The following FBXL17 variants were observed in gnomAD, a reference collection of about 807,000 sequenced individuals.
FBXL17 encodes the protein F-box/LRR-repeat protein 17.
A neutral mutation model predicts 66.2 loss-of-function variants in FBXL17; 22 were observed. That is an observed-to-expected ratio of 0.33 (90% CI 0.24 to 0.47). The LOEUF (loss-of-function observed/expected upper bound fraction) is 0.47, where lower values mean the gene tolerates loss of function less well. FBXL17 is among the 20% of genes least tolerant of loss of function. The pLI is 1.00. For missense variants in FBXL17, 878 were observed against 948.2 expected, an observed-to-expected ratio of 0.93 and a Z score of 0.97; for synonymous variants, 474 against 400.5, an observed-to-expected ratio of 1.18 and a Z score of -2.19.
rs180760713 is a variant in FBXL17, at chr5:108,116,505, G to A, written c.1745+69612C>T. 4.6e-3 allele frequency among the ~76,000 whole-genome samples: 689 copies of A among 151,110 alleles called. 10 individuals are homozygous for A. The highest frequency in any genetic ancestry group is 2.5e-3 in the South Asian group (12 of 4,742). On this transcript the variant is annotated intron_variant, in intron 6 of 8. Transcript: ENST00000542267. ...ATACAAAAAAAAAAAAAAATTAGCT[G>A]GGCGTGGTGGCATGTGCCTGTAGTC...
intron 1 of FBXL17, among the ~76,000 whole-genome samples, chr5:108,378,390 G>A (rs77763003): frequency 0.028 from 4,331 of 152,156 alleles, 203 homozygotes; most frequent in African/African-American, 0.098. Flanking sequence ...TAGCATAAAA[G>A]ATGAAGCAAA....
intron 7 of FBXL17, among the ~76,000 whole-genome samples, chr5:107,993,056 T>C (rs990131493): frequency 2.0e-4 from 30 of 151,952 alleles, no homozygotes; most frequent in African/African-American, 6.8e-4. Context: ...CCACCACGCC[T>C]GGCTAATTTT....
At position 108,364,858 on chromosome 5, in the gene FBXL17, T is replaced by C. The variant is rs1580896854; in HGVS notation, c.1254A>G (p.Thr418=). The C allele has an allele frequency of 6.2e-7, 1 of 1,613,222 alleles. No homozygotes were observed. The change falls in exon 3 of 9, where the codon ACA becomes ACG. Residue 418 remains threonine, a synonymous_variant. Coordinates refer to ENST00000542267, the MANE Select transcript of FBXL17 (RefSeq NM_001163315.3). The part of the protein sequence containing the change: ...AFKCPGLLRY[T]AYRCKQLSDT... Reference sequence around the variant, plus strand: ...CAGAAAGCTGTTTACACCTGTAGGCTGTATACCTAAGAAGTCCAGGACATT... The same window carrying C: ...CAGAAAGCTGTTTACACCTGTAGGCCGTATACCTAAGAAGTCCAGGACATT...
chr5:108,279,214 T>A (rs1044883462), intron 4 of FBXL17, among the ~76,000 whole-genome samples: 1 of 152,028 alleles, frequency 6.6e-6, no homozygotes, highest in South Asian at 2.1e-4. Context: ...ACAACCAACA[T>A]TCAAGAAAGA....
chr5:108,226,447 T>C (rs1427616157), intron 4 of FBXL17, among the ~76,000 whole-genome samples: 3 of 152,240 alleles, frequency 2.0e-5, no homozygotes, highest in Non-Finnish European at 2.9e-5. Flanking sequence ...TTAAATGTCA[T>C]TGTACTAGTG....
intron 6 of FBXL17, among the ~76,000 whole-genome samples, chr5:108,076,112 T>G (rs749354340): frequency 3.9e-5 from 6 of 152,252 alleles, no homozygotes; most frequent in Non-Finnish European, 7.3e-5. Flanking sequence ...GTTTATACTA[T>G]CTCTGCTAGA....
In FBXL17 at chr5:108,333,009, G is replaced by A. The variant is rs1055446123; in HGVS notation, c.1506+15390C>T. ...TGAAATGAATCTGTATTAAGATCTTGTAATTTTCAAAAAGCTTCAAAAATA... is the reference window on the plus strand; with the variant it reads ...TGAAATGAATCTGTATTAAGATCTTATAATTTTCAAAAAGCTTCAAAAATA... On this transcript the variant is annotated intron_variant, in intron 4 of 8. Transcript: ENST00000542267. Among the ~76,000 whole-genome samples the A allele has an allele frequency of 1.9e-4, 25 of 133,734 alleles. 1 individual carries two copies. The East Asian group carries it at 6.0e-3, about 32-fold the overall frequency. The allele number at this position is 133,734 out of a possible 152,430, so 87.7% of individuals were successfully genotyped here.
chr5:108,346,559 G>C (rs1202686479), intron 4 of FBXL17, among the ~76,000 whole-genome samples: 1 of 152,042 alleles, frequency 6.6e-6, no homozygotes, highest in Non-Finnish European at 1.5e-5. Flanking sequence ...CCTACTGCTT[G>C]AGAAACAGAA....
At chr5:108,063,632 A>C (rs1190591968) in intron 6 of FBXL17, among the ~76,000 whole-genome samples, 1 of 152,220 alleles carries the variant, frequency 6.6e-6, no homozygotes, top group Non-Finnish European at 1.5e-5. Context: ...ATTGGAAAGG[A>C]AGACAGTCCT....
intron 4 of FBXL17, among the ~76,000 whole-genome samples, chr5:108,337,932 T>C (rs1024049973): frequency 4.6e-5 from 7 of 151,978 alleles, no homozygotes; most frequent in Non-Finnish European, 7.4e-5. Flanking sequence ...TTCCATTAAA[T>C]TCTTCGCACA....
chr5:107,977,921 T>C (rs938875115), intron 7 of FBXL17, among the ~76,000 whole-genome samples: 1 of 152,120 alleles, frequency 6.6e-6, no homozygotes, highest in Admixed American at 6.5e-5. Context: ...TCTGGGCAGA[T>C]GTAGGTTAGG....
At chr5:108,052,157 T>A (rs1197653107) in intron 6 of FBXL17, among the ~76,000 whole-genome samples, 1 of 147,926 alleles carries the variant, frequency 6.8e-6, no homozygotes, top group Non-Finnish European at 1.5e-5. Flanking sequence ...AAGACAAGAA[T>A]GCCCTCTCTC....
At chr5:108,005,251 G>A (rs1438529305) in intron 7 of FBXL17, among the ~76,000 whole-genome samples, 2 of 152,122 alleles carry the variant, frequency 1.3e-5, no homozygotes, top group Non-Finnish European at 2.9e-5. Flanking sequence ...CTGTGGCTAT[G>A]TCTGGACGAT....
At chr5:108,226,841 C>T (rs2150079889) in intron 4 of FBXL17, among the ~76,000 whole-genome samples, 1 of 152,314 alleles carries the variant, frequency 6.6e-6, no homozygotes, top group African/African-American at 2.4e-5. Flanking sequence ...TTCAGACTTG[C>T]ACTGGAACTT....
At position 108,381,113 on chromosome 5, in the gene FBXL17, G is replaced by T; in HGVS notation, c.579C>A (p.Pro193=). 1 of 1,310,538 alleles carries T rather than the reference G, an allele frequency of 7.6e-7. No homozygotes were observed. The allele number at this position is 1,310,538 out of a possible 1,614,324, so 81.2% of individuals were successfully genotyped here. Residue 193 remains proline (P), a synonymous_variant, in exon 1 of 9, where the codon CCC becomes CCA. Coordinates refer to ENST00000542267, the MANE Select transcript of FBXL17 (RefSeq NM_001163315.3). ...CCCCCTTCCGCTTGCACACCATTTC[G>T]GGGGGCGTAGGGAGCTCGGCCGGTG... ...TPSPAELPTP[P]EMVCKRKGAG... is the part of the protein sequence containing the mutation.
At chr5:107,896,889 C>T (rs187760747) in intron 7 of FBXL17, among the ~76,000 whole-genome samples, 1 of 151,448 alleles carries the variant, frequency 6.6e-6, no homozygotes, top group East Asian at 1.9e-4. Context: ...ATTTTTATCT[C>T]GTATTGAAAA....
intron 7 of FBXL17, among the ~76,000 whole-genome samples, chr5:108,009,308 T>TACACACAC (rs1554056645): frequency 4.7e-5 from 2 of 42,220 alleles, no homozygotes; most frequent in African/African-American, 1.8e-4. Flanking sequence ...TATACATATA[T>TACACACAC]ACATACACAT....
At chr5:108,245,283 G>A (rs1378951021) in intron 4 of FBXL17, among the ~76,000 whole-genome samples, 5 of 151,966 alleles carry the variant, frequency 3.3e-5, no homozygotes, top group African/African-American at 7.3e-5. Context: ...TATTTTAACA[G>A]GAGAAAATGC....
chr5:108,162,222 G>T (rs532976669), intron 6 of FBXL17, among the ~76,000 whole-genome samples: 1 of 152,270 alleles, frequency 6.6e-6, no homozygotes, highest in East Asian at 1.9e-4. Flanking sequence ...CCTGGGGCTG[G>T]GTGCAGTGGC....
Sources: allele counts gnomAD v4.1 joint callset (sites outside exome capture counted in the v4.1 genomes callset), GRCh38; gene constraint gnomAD v4.1.1; transcripts MANE v1.5; gene names NCBI Gene and HGNC (gene_info 2026-07-23, HGNC 2026-07-21).